Variants in DMD observed in about 807,000 individuals in gnomAD.
DMD encodes the protein mutant dystrophin.
In DMD, 63 loss-of-function variants were observed where a neutral mutation model predicts 330.1. The ratio of observed to expected loss-of-function variants is 0.19; its 90% confidence interval spans 0.16 to 0.24. The LOEUF (loss-of-function observed/expected upper bound fraction) is 0.24, where lower values mean the gene tolerates loss of function less well. DMD is among the 10% of genes least tolerant of loss of function. The pLI, the probability that DMD is intolerant of heterozygous loss-of-function variation, is 1.00. For synonymous variants in DMD, 1,223 were observed against 959.8 expected, an observed-to-expected ratio of 1.27 and a Z score of -5.07; for missense variants, 3,344 against 2,684.1, an observed-to-expected ratio of 1.25 and a Z score of -5.43.
intron 55 of DMD, among the ~76,000 whole-genome samples, chrX:31,580,907 C>T (rs1408713726): frequency 1.8e-5 from 2 of 111,816 alleles, no homozygotes; most frequent in Non-Finnish European, 3.8e-5. Context: ...CTGCCACACA[C>T]GACTTAATGT....
At chrX:32,638,756 A>T (rs1236441767) in intron 11 of DMD, among the ~76,000 whole-genome samples, 1 of 111,954 alleles carries the variant, frequency 8.9e-6, no homozygotes, top group Non-Finnish European at 1.9e-5. Context: ...TTAGTTGTTC[A>T]TCTATTCATT....
chrX:31,951,131 ATATATATATGTG>A (rs1476880839), intron 45 of DMD, among the ~76,000 whole-genome samples: 1 of 77,502 alleles, frequency 1.3e-5, no homozygotes, highest in African/African-American at 5.5e-5. Context: ...ACATATATAT[ATATATATATGTG>A]TATATATATA....
intron 50 of DMD, among the ~76,000 whole-genome samples, chrX:31,800,587 G>C (rs2092016830): frequency 8.9e-6 from 1 of 112,307 alleles, no homozygotes; most frequent in Non-Finnish European, 1.9e-5. Flanking sequence ...CCATTGTCTT[G>C]GCGCTTAACA....
At chrX:31,443,123 C>CCTT (rs1259199922) in intron 60 of DMD, among the ~76,000 whole-genome samples, 1 of 111,278 alleles carries the variant, frequency 9.0e-6, no homozygotes, top group Non-Finnish European at 1.9e-5. Context: ...CAGAGGCATA[C>CCTT]CTTCTGCATC....
At chrX:31,471,382 G>A (rs751138432) in intron 59 of DMD, among the ~76,000 whole-genome samples, 33 of 111,787 alleles carry the variant, frequency 3.0e-4, no homozygotes, top group Non-Finnish European at 5.5e-4. Context: ...AGTCCCTCAC[G>A]GCTTCTGTTG....
At chrX:33,189,739 T>A (rs1603402912) in intron 1 of DMD, among the ~76,000 whole-genome samples, 1 of 111,502 alleles carries the variant, frequency 9.0e-6, no homozygotes, top group East Asian at 2.8e-4. Flanking sequence ...TAACATGACC[T>A]TACATACATC....
intron 1 of DMD, among the ~76,000 whole-genome samples, chrX:33,291,789 G>C (rs552781814): frequency 3.6e-5 from 4 of 110,680 alleles, no homozygotes; most frequent in African/African-American, 9.8e-5. Flanking sequence ...TTTTTCAATA[G>C]TTTCTGGCCA....
intron 25 of DMD, among the ~76,000 whole-genome samples, chrX:32,460,716 C>T (rs988217037): frequency 9.0e-5 from 10 of 111,117 alleles, no homozygotes; most frequent in Non-Finnish European, 1.1e-4. Flanking sequence ...TCCTACTACT[C>T]GGGTATCAGC....
chrX:31,290,691 G>A (rs1184306293), intron 62 of DMD, among the ~76,000 whole-genome samples: 1 of 111,429 alleles, frequency 9.0e-6, no homozygotes, highest in East Asian at 2.8e-4. Flanking sequence ...TTATATATAG[G>A]ATCTTAATCC....
intron 7 of DMD, among the ~76,000 whole-genome samples, chrX:32,730,659 A>C (rs1161342535): frequency 8.9e-6 from 1 of 112,069 alleles, no homozygotes; most frequent in East Asian, 2.8e-4. Context: ...AATATTAGTA[A>C]CTACTGAGTT....
chrX:32,386,445 A>T lies in DMD; in HGVS notation c.4539T>A (p.Ser1513Arg). 1 of 1,206,423 alleles carries T rather than the reference A, an allele frequency of 8.3e-7. No individual in the cohort carries two copies. The highest frequency in any genetic ancestry group is 1.1e-6 in the Non-Finnish European group (1 of 891,556). The stretch of plus-strand genomic sequence containing the variant: ...CCATTTCCACTTCAGACTTCACTTC[A>T]CTCAGACTTTTATACAAGTTCTAAG... ...NHCVNLYKSL[S>R]EVKSEVEMVI... is the part of the protein sequence containing the mutation. The change falls in exon 33 of 79, where the codon AGT becomes AGA. Residue 1513 changes from serine (S) to arginine (R), a missense_variant. Ser to Arg is a moderately radical substitution (Grantham distance 110). Transcript: ENST00000357033.
intron 43 of DMD, among the ~76,000 whole-genome samples, chrX:32,229,620 T>C (rs1342023986): frequency 1.1e-5 from 1 of 92,758 alleles, no homozygotes; most frequent in Non-Finnish European, 2.1e-5. Context: ...TGAAGTATGA[T>C]TGACATACAA....
chrX:32,408,657 C>T (rs1474638479), intron 30 of DMD, among the ~76,000 whole-genome samples: 1 of 111,695 alleles, frequency 9.0e-6, no homozygotes, highest in Non-Finnish European at 1.9e-5. Flanking sequence ...TCAAAGAGGA[C>T]TTAATATGGT....
intron 55 of DMD, among the ~76,000 whole-genome samples, chrX:31,611,808 G>A (rs2077935165): frequency 9.0e-6 from 1 of 110,849 alleles, no homozygotes; most frequent in Non-Finnish European, 1.9e-5. Flanking sequence ...TGATCCTCCT[G>A]CTTTAGCCTC....
chrX:32,818,749 T>G (rs1228575184), intron 5 of DMD, among the ~76,000 whole-genome samples: 1 of 110,296 alleles, frequency 9.1e-6, no homozygotes, highest in Non-Finnish European at 1.9e-5. Flanking sequence ...TTCTAGTTGT[T>G]AGTTCTCTCA....
At chrX:32,323,704 T>C (rs1200260345) in intron 41 of DMD, among the ~76,000 whole-genome samples, 1 of 111,365 alleles carries the variant, frequency 9.0e-6, no homozygotes, top group African/African-American at 3.3e-5. Context: ...AAGTATAACT[T>C]ATAAATAACC....
At chrX:32,068,988 T>C (rs932701840) in intron 44 of DMD, among the ~76,000 whole-genome samples, 1 of 111,922 alleles carries the variant, frequency 8.9e-6, no homozygotes, top group African/African-American at 3.2e-5. Context: ...CATTTGGCCC[T>C]TCTGTAACAG....
chrX:33,295,682 C>T (rs1603429312), intron 1 of DMD, among the ~76,000 whole-genome samples: 1 of 111,416 alleles, frequency 9.0e-6, no homozygotes, highest in Admixed American at 9.6e-5. Flanking sequence ...TAACCAGTGA[C>T]AACTGGTTAT....
chrX:31,715,415 C>T (rs900313805), intron 52 of DMD, among the ~76,000 whole-genome samples: 10 of 104,231 alleles, frequency 9.6e-5, no homozygotes, highest in Non-Finnish European at 1.2e-4. Flanking sequence ...TGGTGGCGCG[C>T]GCCTGTAGTC....
Sources: allele counts gnomAD v4.1 joint callset (sites outside exome capture counted in the v4.1 genomes callset), GRCh38; gene constraint gnomAD v4.1.1; transcripts MANE v1.5; gene names NCBI Gene and HGNC (gene_info 2026-07-23, HGNC 2026-07-21).